Variants in TUT4 observed in about 807,000 individuals in gnomAD.
TUT4 encodes terminal uridylyl transferase 4.
A neutral mutation model predicts 192.2 loss-of-function variants in TUT4; 36 were observed. That is an observed-to-expected ratio of 0.19 (90% confidence interval 0.14 to 0.25). The LOEUF (loss-of-function observed/expected upper bound fraction) is 0.25. TUT4 is among the 10% of genes least tolerant of loss of function. The pLI, the probability that TUT4 is intolerant of heterozygous loss-of-function variation, is 1.00. For synonymous variants in TUT4, 618 were observed against 666.0 expected, an observed-to-expected ratio of 0.93 and a Z score of 1.11; for missense variants, 1,493 against 1,957.2, an observed-to-expected ratio of 0.76 and a Z score of 4.47.
At chr1:52,511,869 A>G (rs561436941) in intron 3 of TUT4, among the ~76,000 whole-genome samples, 16 of 152,352 alleles carry the variant, frequency 1.1e-4, no homozygotes, top group African/African-American at 2.9e-4. Flanking sequence ...TTTGCTTTCT[A>G]TATTGAGAAT....
intron 15 of TUT4, among the ~76,000 whole-genome samples, chr1:52,465,957 T>C (rs1298569203): frequency 6.6e-6 from 1 of 152,066 alleles, no homozygotes; most frequent in Non-Finnish European, 1.5e-5. Context: ...CATTATACAC[T>C]ACAGTCTTGA....
intron 1 of TUT4, among the ~76,000 whole-genome samples, chr1:52,534,613 T>C (rs1176590492): frequency 5.3e-5 from 8 of 150,434 alleles, no homozygotes; most frequent in East Asian, 3.9e-4. Flanking sequence ...AGCACTTTGG[T>C]AGATTGAGGC....
intron 20 of TUT4, among the ~76,000 whole-genome samples, chr1:52,453,209 G>A (rs1286596850): frequency 5.9e-5 from 9 of 151,756 alleles, no homozygotes; most frequent in Non-Finnish European, 1.0e-4. Flanking sequence ...GTGAAACCCC[G>A]TCTCTACTAA....
Position 52,553,070 on chromosome 1 carries a change from C to T in TUT4, c.-233G>A, listed in dbSNP as rs1041036398. ...ACACGACTAGCTCAGGACTCCACCG[C>T]CATGTCCGCCGCGCCGCGAACTGCA... is the stretch of plus-strand genomic sequence containing the variant. On this transcript the variant is annotated 5_prime_UTR_variant, in exon 1 of 30. Transcript: ENST00000257177. 1 of 155,112 alleles carries T rather than the reference C, an allele frequency of 6.4e-6. No homozygotes were observed. Among genetic ancestry groups the T allele is most frequent in the Non-Finnish European group, 1.4e-5 (1 of 69,790 alleles). The allele number at this position is 155,112 out of a possible 1,614,324, so 9.6% of individuals were successfully genotyped here. A position where few individuals can be genotyped will look rare whatever the true frequency, so the allele number is the denominator to read the frequency against.
At chr1:52,463,554 C>G in intron 16 of TUT4, 1 of 1,199,592 alleles carries the variant, frequency 8.3e-7, no homozygotes, top group African/African-American at 1.6e-5. Flanking sequence ...AGAGGCGATA[C>G]TGACACCACT....
Position 52,474,720 on chromosome 1 carries a change from C to T in TUT4, c.2727+112G>A, listed in dbSNP as rs567088816. 100 of 936,628 alleles carry T rather than the reference C, an allele frequency of 1.1e-4. 1 individual carries two copies. In the African/African-American group the frequency reaches 1.6e-3, roughly 15 times the overall value. 58.0% of individuals were successfully genotyped at this position (936,628 alleles called of 1,614,324 possible). A position where few individuals can be genotyped will look rare whatever the true frequency, so the allele number is the denominator to read the frequency against. ...GTAAAATACATACCAAAATATCATT[C>T]CAAAACAAGTCACCACTTTATATAG... is the stretch of plus-strand genomic sequence containing the variant. On this transcript the variant is annotated intron_variant, in intron 13 of 29. Transcript: ENST00000257177.
chr1:52,493,834 T>A (rs1436957216), intron 6 of TUT4, among the ~76,000 whole-genome samples, 172 bp from the exon 7 acceptor site: 1 of 151,976 alleles, frequency 6.6e-6, no homozygotes, highest in East Asian at 1.9e-4. Context: ...AGATGAGGTT[T>A]CCCTGTATTG....
rs555173933 is a variant in TUT4 at position 52,423,597 on chromosome 1, C to G, written c.*338G>C. 1.1e-4 allele frequency: 37 copies of G among 350,352 alleles called. No homozygotes were observed. The Admixed American group carries it at 1.2e-3, about 11-fold the overall frequency. The allele number at this position is 350,352 out of a possible 1,614,324, so 21.7% of individuals were successfully genotyped here. ...AAGAATGTAATTTTTTAAATTCTCT[C>G]TTTATACAATTCATCAAGGTTAAAC... On this transcript the variant is annotated 3_prime_UTR_variant, in exon 30 of 30. Coordinates refer to ENST00000257177, the MANE Select transcript of TUT4 (RefSeq NM_001009881.3).
chr1:52,505,418 CTTTTTT>C (rs35140317), intron 4 of TUT4, among the ~76,000 whole-genome samples: 1 of 109,536 alleles, frequency 9.1e-6, no homozygotes, highest in Non-Finnish European at 1.8e-5. Flanking sequence ...TTTGCTTAGA[CTTTTTT>C]TTTTTTTTTT....
chr1:52,517,444 T>C (rs1679011634), intron 2 of TUT4, among the ~76,000 whole-genome samples: 1 of 152,188 alleles, frequency 6.6e-6, no homozygotes, highest in African/African-American at 2.4e-5. Context: ...CAAAATTGCA[T>C]GGCATTCTGT....
At chr1:52,505,002 C>T (rs1331880704) in intron 4 of TUT4, among the ~76,000 whole-genome samples, 2 of 152,098 alleles carry the variant, frequency 1.3e-5, no homozygotes, top group African/African-American at 4.8e-5. Context: ...GAATTGCTTC[C>T]ACATACTAGC....
intron 4 of TUT4, among the ~76,000 whole-genome samples, chr1:52,498,331 C>T (rs1425259050): frequency 6.6e-6 from 1 of 151,120 alleles, no homozygotes; most frequent in African/African-American, 2.4e-5. Flanking sequence ...AGGCTCCGCC[C>T]CCCCGGGGTT....
chr1:52,498,754 G>C (rs1673148845), intron 4 of TUT4, among the ~76,000 whole-genome samples: 1 of 150,744 alleles, frequency 6.6e-6, no homozygotes. Flanking sequence ...GGGCATAGTA[G>C]CAGGCACTTG....
intron 25 of TUT4, 88 bp downstream of exon 25, chr1:52,438,132 C>T: frequency 9.6e-7 from 1 of 1,044,748 alleles, no homozygotes; most frequent in Non-Finnish European, 1.4e-6. Flanking sequence ...TAAACTTTCT[C>T]AGTTAAACAT....
intron 1 of TUT4, among the ~76,000 whole-genome samples, chr1:52,551,699 T>TACACACACAC (rs142834898): frequency 4.2e-5 from 6 of 143,810 alleles, no homozygotes; most frequent in Admixed American, 4.0e-4. Context: ...CACACACACA[T>TACACACACAC]ACACACACAC....
chr1:52,433,754 G>C (rs1033105484), intron 27 of TUT4: 1 of 152,084 alleles, frequency 6.6e-6, no homozygotes, highest in Non-Finnish European at 1.5e-5. Context: ...CTGAAACCTC[G>C]GTTTCTTTAC....
rs1450270148 is a variant in TUT4, at chr1:52,475,153, G to A, written c.2406C>T (p.Thr802=). Residue 802 remains threonine (T), a synonymous_variant, in exon 13 of 30, where the codon ACC becomes ACT. Coordinates refer to ENST00000257177, the MANE Select transcript of TUT4 (RefSeq NM_001009881.3). ...TTGGCTCTATTTCACTGCTTTTGCT[G>A]GTAGAAAGAGATGAAGAGTCCTGTC... is the stretch of plus-strand genomic sequence containing the variant. ...DHGQDSSSLS[T]SKSSEIEPKL... The A allele has an allele frequency of 1.8e-5, 29 of 1,613,932 alleles. No homozygotes were observed. Among genetic ancestry groups the A allele is most frequent in the Admixed American group, 1.7e-5 (1 of 59,980 alleles).
intron 14 of TUT4, among the ~76,000 whole-genome samples, chr1:52,470,788 A>G (rs189111027): frequency 2.0e-5 from 3 of 152,274 alleles, no homozygotes; most frequent in Admixed American, 2.0e-4. Context: ...GAAGCACTAA[A>G]TGTTATGACC....
At chr1:52,483,578 A>T (rs1669037241) in intron 9 of TUT4, among the ~76,000 whole-genome samples, 1 of 152,100 alleles carries the variant, frequency 6.6e-6, no homozygotes, top group African/African-American at 2.4e-5. Context: ...TGGGAGGCAG[A>T]GTGGGTGGAT....
Sources: allele counts gnomAD v4.1 joint callset (sites outside exome capture counted in the v4.1 genomes callset), GRCh38; gene constraint gnomAD v4.1.1; transcripts MANE v1.5; gene names NCBI Gene and HGNC (gene_info 2026-07-23, HGNC 2026-07-21).